Variants in RBFOX1 observed in about 807,000 individuals in gnomAD.
RBFOX1 encodes the protein RNA binding fox-1 homolog 1.
In RBFOX1, 8 loss-of-function variants were observed where a neutral mutation model predicts 57.7. The observed-to-expected ratio is 0.14, with a 90% CI of 0.08 to 0.25. RBFOX1 has a LOEUF of 0.25. Ranked by LOEUF, RBFOX1 falls within the 10% of genes least tolerant of loss-of-function variation. The probability of loss-of-function intolerance (pLI) is 1.00; values close to 1 mark genes in which losing one functional copy is unlikely to be tolerated. For missense variants in RBFOX1, 611 were observed against 548.5 expected (o/e 1.11, Z -1.14); for synonymous variants, 326 against 222.4 (o/e 1.47, Z -4.15).
rs1359351420 is a variant in RBFOX1 at position 7,196,933 on chromosome 16, G to C, written c.27+144835G>C. ...TAGAGTGGTGTGCAGAGGGGAAGTT[G>C]GGTTATCTGAAATATATAAATCCAG... On this transcript the variant is annotated intron_variant, in intron 4 of 15. Transcript: ENST00000550418. Among the ~76,000 whole-genome samples the C allele has an allele frequency of 2.0e-5, 3 of 152,158 alleles. No homozygotes were observed. The East Asian group carries it at 5.8e-4, about 29-fold the overall frequency.
chr16:5,998,679 C>G (rs1157542270), intron 4 of RBFOX1, among the ~76,000 whole-genome samples: 3 of 152,174 alleles, frequency 2.0e-5, no homozygotes, highest in South Asian at 2.1e-4. Context: ...GTCGTCCCAT[C>G]CGAATGTCCT....
At chr16:6,896,770 C>A (rs999101558) in intron 3 of RBFOX1, among the ~76,000 whole-genome samples, 1 of 151,880 alleles carries the variant, frequency 6.6e-6, no homozygotes, top group African/African-American at 2.4e-5. Context: ...GCGTGAAGAC[C>A]CACAAATGTA....
chr16:6,818,055 G>A (rs1033521547), intron 3 of RBFOX1, among the ~76,000 whole-genome samples: 3 of 152,098 alleles, frequency 2.0e-5, no homozygotes, highest in Non-Finnish European at 4.4e-5. Context: ...TCTCACATGG[G>A]CATAAAACTA....
intron 3 of RBFOX1, among the ~76,000 whole-genome samples, chr16:6,785,215 T>A (rs1297878381): frequency 6.6e-6 from 1 of 152,050 alleles, no homozygotes; most frequent in Non-Finnish European, 1.5e-5. Flanking sequence ...AGGAGAGAAT[T>A]TGAGGGAATC....
At chr16:5,293,792 A>G (rs113907844) in intron 1 of RBFOX1, among the ~76,000 whole-genome samples, 13 of 86,752 alleles carry the variant, frequency 1.5e-4, no homozygotes, top group African/African-American at 5.4e-4. Context: ...ATACAGGGTT[A>G]TTTTTTGGGG....
At chr16:6,622,897 C>T (rs1413345726) in intron 2 of RBFOX1, among the ~76,000 whole-genome samples, 1 of 152,190 alleles carries the variant, frequency 6.6e-6, no homozygotes, top group Non-Finnish European at 1.5e-5. Context: ...AGTTGGGCAA[C>T]ATAATGCCCC....
At chr16:7,570,497 A>G (rs1170220382) in intron 5 of RBFOX1, among the ~76,000 whole-genome samples, 7 of 152,216 alleles carry the variant, frequency 4.6e-5, no homozygotes, top group Admixed American at 4.6e-4. Flanking sequence ...GACTGCCACC[A>G]GTACCCTGGA....
rs149178995 is a variant in RBFOX1 at position 7,513,462 on chromosome 16, G to C, written c.28-4685G>C. 7.6e-4 allele frequency among the ~76,000 whole-genome samples: 116 copies of C among 152,232 alleles called. No homozygotes were observed. The East Asian group carries it at 0.021, about 28-fold the overall frequency. On this transcript the variant is annotated intron_variant, in intron 4 of 15. Coordinates refer to ENST00000550418, the MANE Select transcript of RBFOX1 (RefSeq NM_018723.4). ...TTGATGACAAGGTAAATTGAGATTA[G>C]AGATGCATTGCATGAAAAGTAGGGA...
chr16:7,480,076 G>A (rs945869715), intron 4 of RBFOX1, among the ~76,000 whole-genome samples: 16 of 152,168 alleles, frequency 1.1e-4, no homozygotes, highest in African/African-American at 3.6e-4. Flanking sequence ...AATGGTCTAT[G>A]TGAGCTGTTG....
intron 3 of RBFOX1, among the ~76,000 whole-genome samples, chr16:5,712,944 T>A (rs940956877): frequency 1.3e-5 from 2 of 149,846 alleles, no homozygotes; most frequent in Admixed American, 1.3e-4. Context: ...CAGCTCCAAA[T>A]GCTGTATCAT....
chr16:7,179,221 G>A (rs1399560833), intron 4 of RBFOX1, among the ~76,000 whole-genome samples: 1 of 132,956 alleles, frequency 7.5e-6, no homozygotes, highest in Non-Finnish European at 1.7e-5. Context: ...GCTTAACCGG[G>A]ATTTTTTTTT....
chr16:6,897,378 G>T (rs1372730603), intron 3 of RBFOX1, among the ~76,000 whole-genome samples: 1 of 151,216 alleles, frequency 6.6e-6, no homozygotes, highest in Non-Finnish European at 1.5e-5. Flanking sequence ...ACTCCAGCCG[G>T]GGTGACAGAG....
At chr16:5,800,585 A>G (rs2055024611) in intron 3 of RBFOX1, among the ~76,000 whole-genome samples, 1 of 152,154 alleles carries the variant, frequency 6.6e-6, no homozygotes, top group South Asian at 2.1e-4. Flanking sequence ...ATTGGAGGAC[A>G]CGGGATGGTG....
At chr16:7,328,106 G>A (rs908644752) in intron 4 of RBFOX1, among the ~76,000 whole-genome samples, 9 of 152,148 alleles carry the variant, frequency 5.9e-5, no homozygotes, top group Non-Finnish European at 1.2e-4. Flanking sequence ...CTGGGCTCAA[G>A]TGATCCTGCT....
intron 2 of RBFOX1, among the ~76,000 whole-genome samples, chr16:6,443,743 C>A (rs115656886): frequency 1.3e-5 from 2 of 152,144 alleles, no homozygotes; most frequent in Non-Finnish European, 2.9e-5. Flanking sequence ...AGCCATCTTT[C>A]CATCTGTCCA....
At chr16:6,106,203 T>C (rs1409658207) in intron 1 of RBFOX1, among the ~76,000 whole-genome samples, 1 of 152,114 alleles carries the variant, frequency 6.6e-6, no homozygotes, top group Non-Finnish European at 1.5e-5. Context: ...CTGCCTGTAA[T>C]TCCAGCACTT....
intron 3 of RBFOX1, among the ~76,000 whole-genome samples, chr16:6,915,517 C>T (rs989180238): frequency 2.0e-5 from 3 of 150,766 alleles, no homozygotes; most frequent in African/African-American, 4.9e-5. Flanking sequence ...TAAACAATAA[C>T]TATTTTTTCT....
chr16:7,520,371 G>A (rs953417870), intron 5 of RBFOX1, among the ~76,000 whole-genome samples: 1 of 152,082 alleles, frequency 6.6e-6, no homozygotes, highest in African/African-American at 2.4e-5. Flanking sequence ...TCTAGTTTGA[G>A]AATGTTCCTA....
chr16:6,104,971 C>T (rs1038989262), intron 1 of RBFOX1, among the ~76,000 whole-genome samples: 2 of 152,154 alleles, frequency 1.3e-5, no homozygotes, highest in Non-Finnish European at 2.9e-5. Context: ...TACTCACATG[C>T]CTTGGGCCTT....
Sources: allele counts gnomAD v4.1 joint callset (sites outside exome capture counted in the v4.1 genomes callset), GRCh38; gene constraint gnomAD v4.1.1; transcripts MANE v1.5; gene names NCBI Gene and HGNC (gene_info 2026-07-23, HGNC 2026-07-21).